UBASH3B: variants seen among roughly 807,000 people sequenced by gnomAD.
The protein encoded by UBASH3B is ubiquitin associated and SH3 domain containing B, also known as ubiquitin-associated and SH3 domain-containing protein B.
UBASH3B carries 37 observed loss-of-function variants against 83.4 expected under a neutral mutation model. The observed-to-expected ratio is 0.44, with a 90% confidence interval of 0.34 to 0.58. The LOEUF (loss-of-function observed/expected upper bound fraction) is 0.58, where lower values mean the gene tolerates loss of function less well. Ranked by LOEUF, UBASH3B falls within the 20% of genes least tolerant of loss-of-function variation. UBASH3B has a pLI of 0.01. For missense variants in UBASH3B, 657 were observed against 827.2 expected (o/e 0.79, Z 2.52); for synonymous variants, 304 against 318.3 (o/e 0.96, Z 0.48).
At position 122,735,314 on chromosome 11, in the gene UBASH3B, C is replaced by T. The variant is rs575883261; in HGVS notation, c.162-40905C>T. On this transcript the variant is annotated intron_variant, in intron 1 of 13. Transcript: ENST00000284273. ...AGATGGGCAATGAAATTTACAGTCC[C>T]GAACATGTGGGTAACAGAAAGCTAG... 3.9e-5 allele frequency among the ~76,000 whole-genome samples: 6 copies of T among 152,256 alleles called. No individual in the cohort carries two copies. In the East Asian group the frequency reaches 7.7e-4, roughly 20 times the overall value.
At chr11:122,712,802 C>T (rs150520082) in intron 1 of UBASH3B, among the ~76,000 whole-genome samples, 1,804 of 150,750 alleles carry the variant, frequency 0.012, 43 homozygotes, top group African/African-American at 0.041. Context: ...GGGGATTTTG[C>T]TCCTGGATGA....
intron 1 of UBASH3B, among the ~76,000 whole-genome samples, chr11:122,751,866 G>GATA (rs547728877): frequency 3.5e-4 from 53 of 152,302 alleles, no homozygotes; most frequent in African/African-American, 1.1e-3. Flanking sequence ...ACCTCTAGAT[G>GATA]AGTCATGGAG....
chr11:122,661,273 G>A (rs1046024413), intron 1 of UBASH3B, among the ~76,000 whole-genome samples: 14 of 152,234 alleles, frequency 9.2e-5, no homozygotes, highest in African/African-American at 3.4e-4. Flanking sequence ...TGGACAGTAA[G>A]CTGTGTTAGC....
At chr11:122,801,830 T>TTAG (rs1371158019) in intron 11 of UBASH3B, among the ~76,000 whole-genome samples, 2 of 152,218 alleles carry the variant, frequency 1.3e-5, no homozygotes, top group African/African-American at 4.8e-5. Context: ...ATTTATACAT[T>TTAG]TAGTGACCAC....
chr11:122,673,799 C>T (rs1020750122), intron 1 of UBASH3B, among the ~76,000 whole-genome samples: 5 of 152,208 alleles, frequency 3.3e-5, no homozygotes, highest in African/African-American at 1.2e-4. Context: ...GCTCTTTCTG[C>T]AGAGGGGATT....
At chr11:122,774,169 C>T (rs892238138) in intron 1 of UBASH3B, 4 of 985,250 alleles carry the variant, frequency 4.1e-6, no homozygotes, top group African/African-American at 1.7e-5. Context: ...TGGGAATGAG[C>T]GTGTGTGGGT....
Position 122,806,598 on chromosome 11 carries a change from A to G in UBASH3B, c.1702+82A>G, listed in dbSNP as rs1861343538. ...GTTAATAGGTTATTCAAGATGTTTC[A>G]ACTTGCTTTGGCTAACCAAAGAAAT... On this transcript the variant is annotated intron_variant, in intron 12 of 13. Transcript: ENST00000284273. This position sits in a 1 kb window ranked among gnomAD's most constrained non-coding sequence, Gnocchi z 4.0. The G allele has an allele frequency of 7.1e-7, 1 of 1,400,310 alleles. No homozygotes were observed. Among genetic ancestry groups the G allele is most frequent in the East Asian group, 2.8e-5 (1 of 35,486 alleles). The allele number at this position is 1,400,310 out of a possible 1,614,324, so 86.7% of individuals were successfully genotyped here.
chr11:122,732,730 A>T (rs1170994841), intron 1 of UBASH3B, among the ~76,000 whole-genome samples: 2 of 152,244 alleles, frequency 1.3e-5, no homozygotes, highest in Non-Finnish European at 2.9e-5. Context: ...CAAGCTAATT[A>T]AAAATAGCCT....
chr11:122,751,519 G>T (rs144867194), intron 1 of UBASH3B, among the ~76,000 whole-genome samples: 16 of 152,350 alleles, frequency 1.1e-4, no homozygotes, highest in Non-Finnish European at 2.2e-4. Context: ...CCACCTCCTG[G>T]CTCCAGCCTA....
intron 1 of UBASH3B, among the ~76,000 whole-genome samples, chr11:122,722,439 T>A (rs936418247): frequency 6.6e-6 from 1 of 152,210 alleles, no homozygotes; most frequent in African/African-American, 2.4e-5. Context: ...TGCCAGATAC[T>A]GAGAGAGACG....
At chr11:122,679,398 A>G (rs1448411167) in intron 1 of UBASH3B, among the ~76,000 whole-genome samples, 1 of 152,238 alleles carries the variant, frequency 6.6e-6, no homozygotes, top group Non-Finnish European at 1.5e-5. Flanking sequence ...CGATGTAACC[A>G]GATTTGTCTG....
intron 1 of UBASH3B, among the ~76,000 whole-genome samples, chr11:122,717,909 T>C (rs1860552468): frequency 7.2e-6 from 1 of 139,388 alleles, no homozygotes; most frequent in Non-Finnish European, 1.6e-5. Flanking sequence ...TTTCTTTCTT[T>C]CTTTTTTTTT....
intron 5 of UBASH3B, among the ~76,000 whole-genome samples, chr11:122,785,041 G>T (rs1860924047): frequency 6.6e-6 from 1 of 152,158 alleles, no homozygotes; most frequent in Non-Finnish European, 1.5e-5. Flanking sequence ...ACCTTTCTAA[G>T]AGAAGGAAGG....
In UBASH3B at chr11:122,779,639, C is replaced by A; in HGVS notation, c.545C>A (p.Ala182Glu). 8 of 1,614,168 alleles carry A rather than the reference C, an allele frequency of 5.0e-6. No homozygotes were observed. The highest frequency in any genetic ancestry group is 6.8e-6 in the Non-Finnish European group (8 of 1,180,042). The change falls in exon 4 of 14, where the codon GCG (alanine) becomes GAG (glutamate). Residue 182 changes from alanine to glutamate, a missense_variant. By Grantham distance (107) the Ala-to-Glu change is moderately radical. This residue lies in a region of UBASH3B where 573 missense variants were observed against 739.0 expected (regional missense o/e 0.78). Coordinates refer to ENST00000284273, the MANE Select transcript of UBASH3B (RefSeq NM_032873.5). ...GGCCTCTTTGTAAAGGAAGACAGTGCGGAGGTCCTCAAGAAGTTTGCTGCT... is the reference window on the plus strand; with the variant it reads ...GGCCTCTTTGTAAAGGAAGACAGTGAGGAGGTCCTCAAGAAGTTTGCTGCT... ...FIGLFVKEDS[A>E]EVLKKFAADF...
chr11:122,746,603 A>G (rs997592804), intron 1 of UBASH3B, among the ~76,000 whole-genome samples: 1 of 152,220 alleles, frequency 6.6e-6, no homozygotes, highest in African/African-American at 2.4e-5. Flanking sequence ...AAAAATAGAC[A>G]TAGAAGGAAA....
At chr11:122,771,759 A>G (rs1860648996) in intron 1 of UBASH3B, among the ~76,000 whole-genome samples, 1 of 117,356 alleles carries the variant, frequency 8.5e-6, no homozygotes, top group Non-Finnish European at 2.0e-5. Flanking sequence ...ACACACACAC[A>G]CACACACACA....
At chr11:122,679,982 C>T (rs1863717469) in intron 1 of UBASH3B, among the ~76,000 whole-genome samples, 1 of 152,106 alleles carries the variant, frequency 6.6e-6, no homozygotes, top group Admixed American at 6.5e-5. Flanking sequence ...AGGCACCCAC[C>T]ACCACAGCCG....
At chr11:122,778,070 A>C (rs1337177300) in intron 3 of UBASH3B, among the ~76,000 whole-genome samples, 1 of 152,170 alleles carries the variant, frequency 6.6e-6, no homozygotes, top group Non-Finnish European at 1.5e-5. Context: ...TCACACATGT[A>C]AATACATTTT....
At chr11:122,751,981 T>G (rs531254165) in intron 1 of UBASH3B, among the ~76,000 whole-genome samples, 14 of 152,290 alleles carry the variant, frequency 9.2e-5, no homozygotes, top group African/African-American at 3.4e-4. Context: ...GGGCTGGAAT[T>G]ATATAAACCT....
Sources: allele counts gnomAD v4.1 joint callset (sites outside exome capture counted in the v4.1 genomes callset), GRCh38; gene constraint gnomAD v4.1.1; regional missense constraint gnomAD v4.1.1; non-coding constraint Gnocchi (gnomAD v3.1); transcripts MANE v1.5; gene names NCBI Gene and HGNC (gene_info 2026-07-23, HGNC 2026-07-21).